ZMYND12: variants seen among roughly 807,000 people sequenced by gnomAD.
The protein encoded by ZMYND12 is zinc finger MYND-type containing 12, also known as zinc finger MYND domain-containing protein 12.
Under a neutral mutation model 41.7 loss-of-function variants are expected in ZMYND12, and 32 were observed. That is an observed-to-expected ratio of 0.77 (90% CI 0.58 to 1.03). The LOEUF (loss-of-function observed/expected upper bound fraction) is 1.03, where lower values mean the gene tolerates loss of function less well. Ranked by LOEUF, ZMYND12 falls within the 50% of genes least tolerant of loss-of-function variation. ZMYND12 has a pLI of 0.00. For synonymous variants in ZMYND12, 148 were observed against 164.8 expected (o/e 0.90, Z 0.78); for missense variants, 424 against 438.5 (o/e 0.97, Z 0.30).
chr1:42,446,320 G>C (rs1002996673), intron 3 of ZMYND12, among the ~76,000 whole-genome samples: 6 of 152,168 alleles, frequency 3.9e-5, no homozygotes, highest in Admixed American at 1.3e-4. Context: ...ATTAGATCTG[G>C]ATCAAACAGT....
chr1:42,433,858 A>G (rs889902912), intron 6 of ZMYND12, among the ~76,000 whole-genome samples: 6 of 152,186 alleles, frequency 3.9e-5, no homozygotes, highest in Non-Finnish European at 7.4e-5. Flanking sequence ...CACTACATGC[A>G]TTTAAAAGCA....
chr1:42,454,562 C>G (rs191259404), intron 1 of ZMYND12, among the ~76,000 whole-genome samples: 1 of 152,304 alleles, frequency 6.6e-6, no homozygotes, highest in Non-Finnish European at 1.5e-5. Context: ...CTTTCCTTAA[C>G]ACAAATGAGA....
intron 3 of ZMYND12, among the ~76,000 whole-genome samples, chr1:42,443,023 A>G (rs773183362): frequency 6.6e-6 from 1 of 152,192 alleles, no homozygotes; most frequent in Non-Finnish European, 1.5e-5. Context: ...GATTGTTTAG[A>G]TGGGAAAAAA....
intron 3 of ZMYND12, among the ~76,000 whole-genome samples, chr1:42,442,308 G>T (rs1414422839): frequency 6.6e-6 from 1 of 152,186 alleles, no homozygotes; most frequent in Non-Finnish European, 1.5e-5. Context: ...GTTCGGACAA[G>T]CACGCTTAAG....
chr1:42,448,384 C>A, intron 3 of ZMYND12, 83 bp downstream of exon 3: 1 of 1,399,872 alleles, frequency 7.1e-7, no homozygotes, highest in Non-Finnish European at 9.4e-7. Flanking sequence ...GTGCCACTGT[C>A]AAGGGTGACT....
chr1:42,438,162 T>C (rs933671260), intron 4 of ZMYND12, among the ~76,000 whole-genome samples: 1 of 152,172 alleles, frequency 6.6e-6, no homozygotes, highest in Non-Finnish European at 1.5e-5. Context: ...CTCTGCTTAA[T>C]TTGTTGGAGG....
chr1:42,436,452 T>A lies in ZMYND12; in HGVS notation c.686A>T (p.Lys229Met). The change falls in exon 5 of 8, where the codon AAG becomes ATG. Residue 229 changes from lysine (K) to methionine (M), a missense_variant. Transcript: ENST00000372565. ...HLANIFYDLKKLDLADTLYTK... is the reference protein window; with the variant it reads ...HLANIFYDLKMLDLADTLYTK... ...GTACAATGTGTCTGCCAGGTCCAAC[T>A]TTTTAAGGTCATAGAATATATTAGC... is the stretch of plus-strand genomic sequence containing the variant. The A allele has an allele frequency of 1.2e-6, 2 of 1,613,598 alleles. No homozygotes were observed. The highest frequency in any genetic ancestry group is 1.7e-6 in the Non-Finnish European group (2 of 1,179,560).
chr1:42,436,306 ATC>A, intron 5 of ZMYND12, 113 bp downstream of exon 5: 5 of 1,473,548 alleles, frequency 3.4e-6, no homozygotes, highest in Non-Finnish European at 4.6e-6. Flanking sequence ...AAGCCACTTC[ATC>A]TCTCTGTGCC....
At chr1:42,455,288 A>G (rs187644161) in intron 1 of ZMYND12, among the ~76,000 whole-genome samples, 293 of 151,974 alleles carry the variant, frequency 1.9e-3, no homozygotes, top group African/African-American at 6.7e-3. Flanking sequence ...ATACTGCCCC[A>G]TTCACTATCG....
chr1:42,440,444 C>A (rs1642956831), intron 3 of ZMYND12, among the ~76,000 whole-genome samples: 1 of 152,086 alleles, frequency 6.6e-6, no homozygotes, highest in Non-Finnish European at 1.5e-5. Flanking sequence ...TAGGCAAATC[C>A]ATAGAGACGG....
At position 42,455,641 on chromosome 1, in the gene ZMYND12, G is replaced by A. The variant is rs77949993; in HGVS notation, c.110+247C>T. Among the ~76,000 whole-genome samples the A allele has an allele frequency of 1.9e-3, 292 of 152,352 alleles. 4 individuals carry two copies. Among genetic ancestry groups the A allele is most frequent in the African/African-American group, 4.5e-3 (186 of 41,590 alleles). Reference sequence around the variant, plus strand: ...TTTGAAGGAACTGATCTACCGAGCTGCCCCAGTAACTTTAGCACCTAAAAT... The same window carrying A: ...TTTGAAGGAACTGATCTACCGAGCTACCCCAGTAACTTTAGCACCTAAAAT... On this transcript the variant is annotated intron_variant, in intron 1 of 7. Transcript: ENST00000372565.
intron 1 of ZMYND12, among the ~76,000 whole-genome samples, chr1:42,453,186 G>T (rs1413345857): frequency 6.6e-6 from 1 of 151,902 alleles, no homozygotes; most frequent in Admixed American, 6.6e-5. Flanking sequence ...CAAAGACATA[G>T]AAATCTGGAG....
chr1:42,450,012 A>T lies in ZMYND12; in HGVS notation c.158T>A (p.Ile53Lys), dbSNP rs753514105. The T allele has an allele frequency of 1.5e-5, 25 of 1,613,824 alleles. No individual in the cohort carries two copies. In the South Asian group the frequency reaches 2.7e-4, roughly 18 times the overall value. Residue 53 changes from isoleucine to lysine, a missense_variant, in exon 2 of 8, where the codon ATA (isoleucine) becomes AAA (lysine). Coordinates refer to ENST00000372565, the MANE Select transcript of ZMYND12 (RefSeq NM_032257.5). ...GCGCAGTGGAATCAAGAGCTGACATATTTTCTCATGGATGCTGTCCCAGTC... is the reference window on the plus strand; with the variant it reads ...GCGCAGTGGAATCAAGAGCTGACATTTTTTCTCATGGATGCTGTCCCAGTC... Reference protein sequence around the residue: ...KADWDSIHEKICQLLIPLRTS... With the variant: ...KADWDSIHEKKCQLLIPLRTS...
At chr1:42,442,429 AC>A (rs1642980846) in intron 3 of ZMYND12, among the ~76,000 whole-genome samples, 1 of 152,214 alleles carries the variant, frequency 6.6e-6, no homozygotes, top group Non-Finnish European at 1.5e-5. Context: ...AAGGAAAGCC[AC>A]ATTTATTGCT....
intron 4 of ZMYND12, 59 bp downstream of exon 4, chr1:42,439,797 T>C (rs1642948979): frequency 1.3e-6 from 2 of 1,488,946 alleles, no homozygotes; most frequent in Admixed American, 2.3e-5. Flanking sequence ...TTTGGAAATA[T>C]ACAGGTGTTA....
chr1:42,447,430 T>C (rs978492461), intron 3 of ZMYND12, among the ~76,000 whole-genome samples: 2 of 152,242 alleles, frequency 1.3e-5, no homozygotes, highest in Non-Finnish European at 2.9e-5. Flanking sequence ...CAGAGTTTTG[T>C]TGCCAACACA....
chr1:42,441,653 C>CTT (rs1557768461), intron 3 of ZMYND12, among the ~76,000 whole-genome samples: 1 of 151,838 alleles, frequency 6.6e-6, no homozygotes. Context: ...CGGAGTCTTG[C>CTT]TCTGTCGCCC....
intron 2 of ZMYND12, among the ~76,000 whole-genome samples, chr1:42,449,506 T>C (rs1643060344): frequency 6.6e-6 from 1 of 152,034 alleles, no homozygotes; most frequent in African/African-American, 2.4e-5. Context: ...AAAGAGGAAA[T>C]TGGACACACA....
chr1:42,455,737 C>A (rs1481535355), intron 1 of ZMYND12, 151 bp downstream of exon 1: 6 of 595,734 alleles, frequency 1.0e-5, no homozygotes, highest in Non-Finnish European at 1.2e-5. Context: ...CAGACGAGGC[C>A]ACGGGAGTCT....
Sources: gnomAD v4.1 joint callset for allele counts (sites outside exome capture counted in the v4.1 genomes callset) on GRCh38, gnomAD v4.1.1 for gene constraint, MANE v1.5 for transcripts, NCBI Gene and HGNC (gene_info 2026-07-23, HGNC 2026-07-21) for gene names.